CENPU: variants seen among roughly 807,000 people sequenced by gnomAD.
CENPU encodes centromere protein U.
In CENPU, 46 loss-of-function variants were observed where a neutral mutation model predicts 56.7. That is an observed-to-expected ratio of 0.81 (90% CI 0.64 to 1.04). CENPU has a LOEUF of 1.04. Ranked by LOEUF, CENPU falls within the 50% of genes least tolerant of loss-of-function variation. CENPU has a pLI of 0.00. For missense variants in CENPU, 510 were observed against 490.1 expected, an observed-to-expected ratio of 1.04 and a Z score of -0.38; for synonymous variants, 166 against 163.0, an observed-to-expected ratio of 1.02 and a Z score of -0.14.
In CENPU at chr4:184,694,895, C is replaced by A; in HGVS notation, c.*393G>T. The A allele has an allele frequency of 1.0e-6, 1 of 956,802 alleles. No homozygotes were observed. The highest frequency in any genetic ancestry group is 1.5e-6 in the Non-Finnish European group (1 of 665,312). The allele number at this position is 956,802 out of a possible 1,614,324, so 59.3% of individuals were successfully genotyped here. A position where few individuals can be genotyped will look rare whatever the true frequency, so the allele number is the denominator to read the frequency against. On this transcript the variant is annotated 3_prime_UTR_variant, in exon 13 of 13. Coordinates refer to ENST00000281453, the MANE Select transcript of CENPU (RefSeq NM_024629.4). Reference sequence around the variant, plus strand: ...AACTAAGTTTTATTACTTTGCTTTCCAATTTTTGTTTTTTACTTCTGTAAA... The same window carrying A: ...AACTAAGTTTTATTACTTTGCTTTCAAATTTTTGTTTTTTACTTCTGTAAA...
At chr4:184,719,460 G>C (rs1052415746) in intron 4 of CENPU, among the ~76,000 whole-genome samples, 2 of 152,222 alleles carry the variant, frequency 1.3e-5, no homozygotes, top group Non-Finnish European at 2.9e-5. Context: ...ATTTGGACTA[G>C]TCCTGGTGTG....
At chr4:184,714,630 C>T (rs574580832) in intron 6 of CENPU, among the ~76,000 whole-genome samples, 14 of 152,000 alleles carry the variant, frequency 9.2e-5, no homozygotes, top group East Asian at 1.9e-4. Context: ...TATTTTTAAC[C>T]CAGGAGCAAC....
chr4:184,733,319 C>A, intron 1 of CENPU: 1 of 986,368 alleles, frequency 1.0e-6, no homozygotes, highest in Middle Eastern at 5.2e-4. Context: ...GGCAGCCTTC[C>A]CAGGCCCGGG....
intron 12 of CENPU, among the ~76,000 whole-genome samples, chr4:184,695,878 A>G (rs930457171): frequency 1.3e-5 from 2 of 152,242 alleles, no homozygotes; most frequent in African/African-American, 4.8e-5. Context: ...ACCCAAATCT[A>G]TCATCTCAAG....
In CENPU at chr4:184,710,198, G is replaced by A. The variant is rs556916425; in HGVS notation, c.689-18C>T. The A allele has an allele frequency of 6.6e-7, 1 of 1,507,338 alleles. No homozygotes were observed. The highest frequency in any genetic ancestry group is 1.7e-4 in the Middle Eastern group (1 of 5,810). The allele number at this position is 1,507,338 out of a possible 1,614,324, so 93.4% of individuals were successfully genotyped here. ...AGAAGTATCTAAAATATTAAGATAA[G>A]TTAACATGCTGGTTATTCATATTTT... On this transcript the variant is annotated intron_variant, in intron 7 of 12. Coordinates refer to ENST00000281453, the MANE Select transcript of CENPU (RefSeq NM_024629.4).
At chr4:184,700,330 C>G (rs1191181774) in intron 11 of CENPU, among the ~76,000 whole-genome samples, 4 of 152,208 alleles carry the variant, frequency 2.6e-5, no homozygotes, top group African/African-American at 9.6e-5. Flanking sequence ...ACAGCACTTA[C>G]TGTGTGCGCC....
At chr4:184,713,046 A>G (rs1338697306) in intron 6 of CENPU, 33 bp from the exon 7 acceptor site, 1 of 1,396,362 alleles carries the variant, frequency 7.2e-7, no homozygotes, top group Non-Finnish European at 9.9e-7. Flanking sequence ...GTTTTTAAGA[A>G]AAGTTTTCTT....
At chr4:184,710,844 T>C (rs7683537) in intron 7 of CENPU, among the ~76,000 whole-genome samples, 27,000 of 152,034 alleles carry the variant, frequency 0.18, 2,665 homozygotes, top group African/African-American at 0.26. Context: ...AAGCATACCC[T>C]AATTTTTTTT....
intron 6 of CENPU, among the ~76,000 whole-genome samples, chr4:184,715,061 AT>A (rs1761043982): frequency 6.6e-6 from 1 of 152,174 alleles, no homozygotes; most frequent in South Asian, 2.1e-4. Flanking sequence ...GGAAATAAAA[AT>A]TAAAAAAATT....
At chr4:184,733,803 G>A (rs985190835) in intron 1 of CENPU, among the ~76,000 whole-genome samples, 3 of 152,164 alleles carry the variant, frequency 2.0e-5, no homozygotes, top group Admixed American at 2.0e-4. Flanking sequence ...TCTCCCACCC[G>A]CCAGGCAGTG....
intron 11 of CENPU, among the ~76,000 whole-genome samples, chr4:184,700,186 A>AACCAG (rs992347328): frequency 2.8e-4 from 43 of 152,248 alleles, no homozygotes; most frequent in Admixed American, 8.5e-4. Context: ...CAGTCTTCCT[A>AACCAG]ACCAGAAACT....
rs1009034036 is a variant in CENPU at position 184,697,776 on chromosome 4, T to C, written c.1014A>G (p.Gln338=). ...TCTCTTTAAGTTCATCATATTTTGTTTGTAGTTGTTTCAGCTGTGGCTCTA... is the reference window on the plus strand; with the variant it reads ...TCTCTTTAAGTTCATCATATTTTGTCTGTAGTTGTTTCAGCTGTGGCTCTA... ...LRLEPQLKQL[Q]TKYDELKERK... The change falls in exon 12 of 13, where the codon CAA becomes CAG. Residue 338 remains glutamine, a synonymous_variant. Coordinates refer to ENST00000281453, the MANE Select transcript of CENPU (RefSeq NM_024629.4). The C allele has an allele frequency of 6.2e-7, 1 of 1,609,000 alleles. No individual in the cohort carries two copies. The highest frequency in any genetic ancestry group is 1.3e-5 in the African/African-American group (1 of 74,588).
chr4:184,733,538 G>A (rs1561151303), intron 1 of CENPU: 2 of 382,468 alleles, frequency 5.2e-6, no homozygotes, highest in Non-Finnish European at 7.3e-6. Flanking sequence ...CTGGAGAACC[G>A]CAAGCGGCAG....
At chr4:184,733,251 G>C (rs968175878) in intron 1 of CENPU, 1 of 928,874 alleles carries the variant, frequency 1.1e-6, no homozygotes, top group East Asian at 1.2e-4. Flanking sequence ...ACCCACCTGC[G>C]GTGTCCTGCT....
intron 12 of CENPU, among the ~76,000 whole-genome samples, chr4:184,695,913 T>A (rs1253425179): frequency 6.6e-6 from 1 of 152,210 alleles, no homozygotes; most frequent in Admixed American, 6.5e-5. Flanking sequence ...GAGAATCAAT[T>A]AAATGTCTCA....
rs1761621069 is a variant in CENPU, at chr4:184,730,975, A to G, written c.48-7T>C. ...GTTCTTTGAACGTCTTGCGCTATTA[A>G]ACAGCAAAAAAACACAAGAGTTAGG... On this transcript the variant is annotated splice_region_variant and splice_polypyrimidine_tract_variant and intron_variant, in intron 1 of 12. Transcript: ENST00000281453. 1.9e-6 allele frequency: 3 copies of G among 1,575,756 alleles called. No individual in the cohort carries two copies. The African/African-American group carries it at 4.1e-5, about 22-fold the overall frequency.
chr4:184,712,427 G>A (rs147593113), intron 7 of CENPU, among the ~76,000 whole-genome samples: 46 of 152,314 alleles, frequency 3.0e-4, no homozygotes, highest in African/African-American at 1.1e-3. Flanking sequence ...ATAATGGGGT[G>A]GGGACTGACA....
rs780886016 is a variant in CENPU at position 184,710,229 on chromosome 4, T to C, written c.689-49A>G. 3 of 1,306,546 alleles carry C rather than the reference T, an allele frequency of 2.3e-6. No individual in the cohort carries two copies. In the Admixed American group the frequency reaches 5.4e-5, roughly 24 times the overall value. The allele number at this position is 1,306,546 out of a possible 1,614,324, so 80.9% of individuals were successfully genotyped here. On this transcript the variant is annotated intron_variant, in intron 7 of 12. Transcript: ENST00000281453. ...ATGCTGGTTATTCATATTTTGGCTG[T>C]AGGTCCAGGGTTCTGAAAGCCTGAC...
chr4:184,716,475 A>C lies in CENPU; in HGVS notation c.540T>G (p.Ser180=), dbSNP rs1761098369. 6.2e-7 allele frequency: 1 copy of C among 1,614,206 alleles called. No homozygotes were observed. Among genetic ancestry groups the C allele is most frequent in the Non-Finnish European group, 8.5e-7 (1 of 1,180,034 alleles). Residue 180 remains serine, a synonymous_variant, in exon 6 of 13, where the codon TCT becomes TCG. Transcript: ENST00000281453. The stretch of plus-strand genomic sequence containing the variant: ...GGGGTCCTGTCTTTTTAGAAGTGAC[A>C]GACTCAGCTGGTTTCTCTGAAAGTT... ...SSELSEKPAE[S]VTSKKTGPLS... is the part of the protein sequence containing the mutation.
Sources: gnomAD v4.1 joint callset for allele counts (sites outside exome capture counted in the v4.1 genomes callset) on GRCh38, gnomAD v4.1.1 for gene constraint, MANE v1.5 for transcripts, NCBI Gene and HGNC (gene_info 2026-07-23, HGNC 2026-07-21) for gene names.